CUTC: variants seen among roughly 807,000 people sequenced by gnomAD.
CUTC encodes cutC copper transporter.
A neutral mutation model predicts 36.2 loss-of-function variants in CUTC; 27 were observed. That is an observed-to-expected ratio of 0.75 (90% confidence interval 0.55 to 1.03). The LOEUF (loss-of-function observed/expected upper bound fraction) is 1.03. Among genes scored for constraint, CUTC ranks in the 50% least tolerant of loss-of-function variants. CUTC has a pLI of 0.00. For missense variants in CUTC, 315 were observed against 343.5 expected (o/e 0.92, Z 0.66); for synonymous variants, 114 against 118.3 (o/e 0.96, Z 0.24).
intron 2 of CUTC, among the ~76,000 whole-genome samples, chr10:99,739,066 T>C (rs977090777): frequency 3.3e-5 from 5 of 152,186 alleles, no homozygotes; most frequent in Non-Finnish European, 7.4e-5. Flanking sequence ...GAATAATGAA[T>C]TTGTTCTCTG....
intron 5 of CUTC, among the ~76,000 whole-genome samples, chr10:99,745,191 A>C (rs1017862667): frequency 6.6e-6 from 1 of 152,258 alleles, no homozygotes; most frequent in South Asian, 2.1e-4. Context: ...TTTTTACTTC[A>C]AATTTCTGTT....
intron 1 of CUTC, among the ~76,000 whole-genome samples, chr10:99,734,429 T>A (rs1031222559): frequency 6.6e-6 from 1 of 152,178 alleles, no homozygotes; most frequent in Admixed American, 6.5e-5. Context: ...GATAGGTTTT[T>A]GTTTTATTTG....
chr10:99,747,181 G>T, intron 5 of CUTC, 76 bp from the exon 6 acceptor site: 1 of 1,523,260 alleles, frequency 6.6e-7, no homozygotes, highest in South Asian at 1.2e-5. Context: ...GCATGCCACT[G>T]CATGTATACT....
intron 1 of CUTC, among the ~76,000 whole-genome samples, chr10:99,733,328 TAAAAC>T (rs2037247367): frequency 6.6e-6 from 1 of 150,802 alleles, no homozygotes; most frequent in South Asian, 2.1e-4. Flanking sequence ...AAAATAAAAT[TAAAAC>T]AAAATTTTAA....
At chr10:99,744,306 G>A (rs758333093) in intron 5 of CUTC, among the ~76,000 whole-genome samples, 71 of 152,096 alleles carry the variant, frequency 4.7e-4, no homozygotes, top group Non-Finnish European at 4.9e-4. Context: ...GGATATAAGA[G>A]AGCGAGGGAG....
intron 7 of CUTC, 115 bp downstream of exon 7, chr10:99,750,511 C>A: frequency 1.6e-6 from 1 of 624,720 alleles, no homozygotes; most frequent in Non-Finnish European, 2.6e-6. Flanking sequence ...AGTACATGAT[C>A]TTTAAAGAGA....
intron 4 of CUTC, among the ~76,000 whole-genome samples, chr10:99,743,834 A>G (rs1395598848): frequency 6.6e-6 from 1 of 152,218 alleles, no homozygotes; most frequent in African/African-American, 2.4e-5. Context: ...ATAAGCCACG[A>G]CCATTTTTTT....
intron 3 of CUTC, among the ~76,000 whole-genome samples, 163 bp downstream of exon 3, chr10:99,739,932 A>G (rs573183296): frequency 6.6e-4 from 101 of 152,344 alleles, no homozygotes; most frequent in African/African-American, 2.3e-3. Flanking sequence ...ATTTGATCAA[A>G]CATATTTCTT....
intron 1 of CUTC, among the ~76,000 whole-genome samples, chr10:99,733,323 A>T (rs539499151): frequency 1.1e-3 from 165 of 152,090 alleles, no homozygotes; most frequent in African/African-American, 3.6e-3. Flanking sequence ...AAATAAAAAT[A>T]AAATTAAAAC....
intron 7 of CUTC, among the ~76,000 whole-genome samples, chr10:99,751,021 T>A (rs940480920): frequency 6.6e-6 from 1 of 152,238 alleles, no homozygotes; most frequent in African/African-American, 2.4e-5. Flanking sequence ...TTAATTTTTT[T>A]AATTAAGTTT....
chr10:99,733,504 C>G (rs1360326660), intron 1 of CUTC, among the ~76,000 whole-genome samples: 1 of 151,788 alleles, frequency 6.6e-6, no homozygotes, highest in East Asian at 1.9e-4. Context: ...CAGCTGGATT[C>G]TCATGCCCGC....
chr10:99,744,757 TTTTG>T (rs934320957), intron 5 of CUTC, among the ~76,000 whole-genome samples: 5 of 152,228 alleles, frequency 3.3e-5, no homozygotes, highest in African/African-American at 1.2e-4. Context: ...ATATAATTTT[TTTTG>T]TTTGTTTGTT....
chr10:99,734,347 G>A (rs570094071), intron 1 of CUTC, among the ~76,000 whole-genome samples: 9 of 152,138 alleles, frequency 5.9e-5, no homozygotes, highest in African/African-American at 1.2e-4. Context: ...GATTACAGGC[G>A]TGAGCCACCG....
chr10:99,743,476 T>C, intron 4 of CUTC, 114 bp downstream of exon 4: 1 of 900,800 alleles, frequency 1.1e-6, no homozygotes, highest in Non-Finnish European at 1.8e-6. Flanking sequence ...CAGACACTTA[T>C]ACTAACCTAA....
At chr10:99,742,022 A>G (rs571813286) in intron 3 of CUTC, among the ~76,000 whole-genome samples, 5 of 152,224 alleles carry the variant, frequency 3.3e-5, no homozygotes, top group Admixed American at 3.3e-4. Context: ...AACTCAGGGA[A>G]TTGTTTTGGC....
At chr10:99,747,061 C>T (rs768739675) in intron 5 of CUTC, among the ~76,000 whole-genome samples, 196 bp from the exon 6 acceptor site, 1 of 152,234 alleles carries the variant, frequency 6.6e-6, no homozygotes, top group Non-Finnish European at 1.5e-5. Context: ...AGCCACTGCA[C>T]CTGGCCCTAC....
At chr10:99,743,663 T>C (rs555109002) in intron 4 of CUTC, among the ~76,000 whole-genome samples, 18 of 152,244 alleles carry the variant, frequency 1.2e-4, no homozygotes, top group South Asian at 1.0e-3. Context: ...AAAAGTATTA[T>C]AGTTGGTGAG....
Position 99,732,425 on chromosome 10 carries a change from G to C in CUTC, c.61+16G>C, listed in dbSNP as rs1343392034. 1 of 1,549,968 alleles carries C rather than the reference G, an allele frequency of 6.5e-7. No individual in the cohort carries two copies. The highest frequency in any genetic ancestry group is 2.4e-5 in the East Asian group (1 of 40,952). On this transcript the variant is annotated intron_variant, in intron 1 of 8. Coordinates refer to ENST00000370476, the MANE Select transcript of CUTC (RefSeq NM_015960.3). The stretch of plus-strand genomic sequence containing the variant: ...GGGAAGGCCGGTGCGGAAGGTGGCG[G>C]GGGAGGGGACGGTCGGCCGAAGGCT...
chr10:99,753,226 A>C (rs1001167366), intron 7 of CUTC, among the ~76,000 whole-genome samples: 9 of 152,222 alleles, frequency 5.9e-5, no homozygotes, highest in Admixed American at 3.9e-4. Context: ...ATAGAAGGAA[A>C]TAATATATTT....
Sources: gnomAD v4.1 joint callset for allele counts (sites outside exome capture counted in the v4.1 genomes callset) on GRCh38, gnomAD v4.1.1 for gene constraint, MANE v1.5 for transcripts, NCBI Gene and HGNC (gene_info 2026-07-23, HGNC 2026-07-21) for gene names.